MGST2: variants seen among roughly 807,000 people sequenced by gnomAD.
MGST2 encodes microsomal glutathione S-transferase 2, also known as glutathione peroxidase MGST2.
Under a neutral mutation model 16.6 loss-of-function variants are expected in MGST2, and 9 were observed. The ratio of observed to expected loss-of-function variants is 0.54; its 90% CI spans 0.33 to 0.95. MGST2 has a LOEUF of 0.95. Among genes scored for constraint, MGST2 ranks in the 40% least tolerant of loss-of-function variants. The pLI is 0.03. For missense variants in MGST2, 159 were observed against 175.1 expected, an observed-to-expected ratio of 0.91 and a Z score of 0.52; for synonymous variants, 79 against 68.0, an observed-to-expected ratio of 1.16 and a Z score of -0.79.
intron 2 of MGST2, among the ~76,000 whole-genome samples, chr4:139,693,856 C>T (rs947100906): frequency 5.9e-5 from 9 of 152,140 alleles, no homozygotes; most frequent in Non-Finnish European, 8.8e-5. Context: ...TATCCATTTC[C>T]AATTTTTTAG....
At chr4:139,742,284 G>A (rs948360683), downstream of MGST2, among the ~76,000 whole-genome samples, 7 of 152,088 alleles carry the variant, frequency 4.6e-5, no homozygotes, top group African/African-American at 1.7e-4. Context: ...TAGTAGCTGG[G>A]ATTACAGGCG....
At chr4:139,686,441 T>C (rs752530496) in intron 2 of MGST2, among the ~76,000 whole-genome samples, 73 of 152,214 alleles carry the variant, frequency 4.8e-4, no homozygotes, top group Non-Finnish European at 8.8e-4. Context: ...CTTTCCATCA[T>C]GGCCTGAAAC....
At chr4:139,709,318 C>T (rs138921709) in intron 5 of MGST2, among the ~76,000 whole-genome samples, 3,868 of 152,076 alleles carry the variant, frequency 0.025, 72 homozygotes, top group Non-Finnish European at 0.042. Context: ...CTCCTGACCT[C>T]ATGATCCGCC....
chr4:139,673,509 C>T (rs562211044), intron 1 of MGST2, among the ~76,000 whole-genome samples: 38 of 152,256 alleles, frequency 2.5e-4, no homozygotes, highest in Non-Finnish European at 7.4e-5. Flanking sequence ...CAGGCTCAAG[C>T]GATCCTGCCT....
At chr4:139,704,962 G>A (rs1284211262), downstream of MGST2, among the ~76,000 whole-genome samples, 2 of 152,122 alleles carry the variant, frequency 1.3e-5, no homozygotes, top group Non-Finnish European at 2.9e-5. Flanking sequence ...TTATAAAAAT[G>A]TACTTTATAA....
At position 139,665,842 on chromosome 4, in the gene MGST2, C is replaced by T; in HGVS notation, c.-178C>T. 2.9e-6 allele frequency: 2 copies of T among 691,556 alleles called. No homozygotes were observed. Among genetic ancestry groups the T allele is most frequent in the South Asian group, 1.6e-5 (1 of 62,726 alleles). 42.8% of individuals were successfully genotyped at this position (691,556 alleles called of 1,614,324 possible). A position where few individuals can be genotyped will look rare whatever the true frequency, so the allele number is the denominator to read the frequency against. ...CCATAAAGATCTGTGACCGGCAGCCCCAGACCTGCCTGCCTTCCTGACTTC... is the reference window on the plus strand; with the variant it reads ...CCATAAAGATCTGTGACCGGCAGCCTCAGACCTGCCTGCCTTCCTGACTTC... On this transcript the variant is annotated 5_prime_UTR_variant, in exon 1 of 5. Coordinates refer to ENST00000265498, the MANE Select transcript of MGST2 (RefSeq NM_002413.5).
chr4:139,668,627 G>A (rs924136759), intron 1 of MGST2, among the ~76,000 whole-genome samples: 3 of 150,582 alleles, frequency 2.0e-5, no homozygotes, highest in South Asian at 4.2e-4. Flanking sequence ...AGGGGGAGGG[G>A]GTAGAGGGGG....
chr4:139,716,083 C>CAA lies in MGST2; in HGVS notation c.*48+11888_*48+11889dup, dbSNP rs1727943211. ...CCCGGTCTGGGGGGCACCTTTAAAC[C>CAA]AAGTCCCAGCCTTTGCCTGATCTTG... On this transcript the variant is annotated intron_variant, in intron 5 of 5. Coordinates refer to the MGST2 transcript ENST00000616265. Among the ~76,000 whole-genome samples, 6 of 152,304 alleles carry CAA rather than the reference C, an allele frequency of 3.9e-5. No individual in the cohort carries two copies. In the South Asian group the frequency reaches 1.2e-3, roughly 32 times the overall value.
chr4:139,725,856 A>G (rs1466968811), intron 5 of MGST2: 1 of 1,602,088 alleles, frequency 6.2e-7, no homozygotes, highest in East Asian at 2.2e-5. Flanking sequence ...AGAACACAAG[A>G]GGGGTGGAGA....
intron 3 of MGST2, among the ~76,000 whole-genome samples, chr4:139,702,727 G>A (rs572633626): frequency 5.9e-5 from 9 of 151,338 alleles, no homozygotes; most frequent in Non-Finnish European, 1.3e-4. Flanking sequence ...TGTTACGTTC[G>A]ATTTTATAAG....
At chr4:139,698,517 C>T in intron 3 of MGST2, 1 of 1,147,790 alleles carries the variant, frequency 8.7e-7, no homozygotes. Flanking sequence ...TGCTTTACCA[C>T]CGGTCGATTT....
chr4:139,666,030 AC>A lies in MGST2; in HGVS notation c.12del (p.Ser5ArgfsTer27). 1 of 1,613,968 alleles carries A rather than the reference AC, an allele frequency of 6.2e-7. No individual in the cohort carries two copies. The highest frequency in any genetic ancestry group is 8.5e-7 in the Non-Finnish European group (1 of 1,180,000). ...AGTTCCGTGAGAAAGATGGCCGGGAACTCGATCCTGCTGGCTGCTGTCTCTA... is the reference window on the plus strand; with the variant it reads ...AGTTCCGTGAGAAAGATGGCCGGGAATCGATCCTGCTGGCTGCTGTCTCTA... MAG[N>X]SILLAAVSIL... On this transcript the variant is annotated frameshift_variant, in exon 1 of 5. Coordinates refer to ENST00000265498, the MANE Select transcript of MGST2 (RefSeq NM_002413.5). LOFTEE classifies it high-confidence loss of function.
chr4:139,678,887 A>C, intron 2 of MGST2: 1 of 563,678 alleles, frequency 1.8e-6, no homozygotes, highest in Non-Finnish European at 3.2e-6. Context: ...CTGGGATCTC[A>C]GGAGGGACTG....
intron 5 of MGST2, among the ~76,000 whole-genome samples, chr4:139,709,557 CTGCGAA>C (rs1727661465): frequency 6.6e-6 from 1 of 152,120 alleles, no homozygotes; most frequent in East Asian, 1.9e-4. Flanking sequence ...TAAAATGGTT[CTGCGAA>C]ATATATATGT....
intron 5 of MGST2, among the ~76,000 whole-genome samples, chr4:139,720,497 G>A (rs1728191624): frequency 6.6e-6 from 1 of 152,166 alleles, no homozygotes; most frequent in Non-Finnish European, 1.5e-5. Context: ...TATGCTGATT[G>A]TGAAAATTTT....
At chr4:139,725,994 A>G (rs1450786215) in intron 5 of MGST2, among the ~76,000 whole-genome samples, 1 of 152,216 alleles carries the variant, frequency 6.6e-6, no homozygotes, top group Admixed American at 6.5e-5. Context: ...GTCTAAGGAT[A>G]GAGTCAGGTA....
downstream of MGST2, among the ~76,000 whole-genome samples, chr4:139,741,077 C>T (rs1729150001): frequency 6.6e-6 from 1 of 152,178 alleles, no homozygotes; most frequent in Non-Finnish European, 1.5e-5. Flanking sequence ...TTTTCCCCAC[C>T]CTCGGCCCCC....
At chr4:139,720,805 A>C (rs2110957368) in intron 5 of MGST2, among the ~76,000 whole-genome samples, 1 of 152,366 alleles carries the variant, frequency 6.6e-6, no homozygotes, top group African/African-American at 2.4e-5. Flanking sequence ...AATTAGAAAG[A>C]AATGGCTGAT....
chr4:139,735,327 G>A lies in MGST2; in HGVS notation c.*49-4885G>A, dbSNP rs372957392. Among the ~76,000 whole-genome samples, 12 of 152,250 alleles carry A rather than the reference G, an allele frequency of 7.9e-5. No homozygotes were observed. The highest frequency in any genetic ancestry group is 5.8e-4 in the East Asian group (3 of 5,174). ...CTGGGGTTATCTGCCCCCCTCCTCCGACTGACACTGAACTGGTTTCTCATT... is the reference window on the plus strand; with the variant it reads ...CTGGGGTTATCTGCCCCCCTCCTCCAACTGACACTGAACTGGTTTCTCATT... On this transcript the variant is annotated intron_variant, in intron 5 of 5. Coordinates refer to the MGST2 transcript ENST00000616265. This position sits in a 1 kb window ranked among gnomAD's most constrained non-coding sequence, Gnocchi z 5.8.
Sources: allele counts gnomAD v4.1 joint callset (sites outside exome capture counted in the v4.1 genomes callset), GRCh38; gene constraint gnomAD v4.1.1; non-coding constraint Gnocchi (gnomAD v3.1); transcripts MANE v1.5; gene names NCBI Gene and HGNC (gene_info 2026-07-23, HGNC 2026-07-21).